Variants in PIWIL3 observed in about 807,000 individuals in gnomAD.
PIWIL3 encodes piwi-like protein 3.
Under a neutral mutation model 109.7 loss-of-function variants are expected in PIWIL3, and 101 were observed. The observed-to-expected ratio is 0.92, with a 90% CI of 0.78 to 1.09. The LOEUF is 1.09. Among genes scored for constraint, PIWIL3 ranks in the 50% least tolerant of loss-of-function variants. The pLI is 0.00. For synonymous variants in PIWIL3, 373 were observed against 376.4 expected (o/e 0.99, Z 0.10); for missense variants, 1,031 against 1,072.6 (o/e 0.96, Z 0.54).
intron 8 of PIWIL3, among the ~76,000 whole-genome samples, chr22:24,753,181 T>C (rs2096531): frequency 0.32 from 48,561 of 152,116 alleles, 8,044 homozygotes; most frequent in East Asian, 0.54. Flanking sequence ...GTTTCTTTTG[T>C]TATCACTTCT....
rs9620431 is a variant in PIWIL3 at position 24,748,351 on chromosome 22, G to A, written c.1449+556C>T. Reference sequence around the variant, plus strand: ...TACAAAAAATAGAAGAAATGAGTAAGACCTAGCATCTGCTAGTACAAAAGG... The same window carrying A: ...TACAAAAAATAGAAGAAATGAGTAAAACCTAGCATCTGCTAGTACAAAAGG... On this transcript the variant is annotated intron_variant, in intron 12 of 20. Transcript: ENST00000616349. Among the ~76,000 whole-genome samples, 1,352 of 152,150 alleles carry A rather than the reference G, an allele frequency of 8.9e-3. 25 individuals carry two copies. Among genetic ancestry groups the A allele is most frequent in the African/African-American group, 0.031 (1,267 of 41,516 alleles).
chr22:24,749,367 A>T lies in PIWIL3; in HGVS notation c.1334+37T>A, dbSNP rs752992229. On this transcript the variant is annotated intron_variant, in intron 11 of 20. Transcript: ENST00000616349. ...CATCAGCTTCACTGGGACACCATGC[A>T]CATGTACACACACTCAGCCAGAAAA... 5 of 1,609,054 alleles carry T rather than the reference A, an allele frequency of 3.1e-6. No individual in the cohort carries two copies. The African/African-American group carries it at 6.7e-5, about 22-fold the overall frequency.
intron 16 of PIWIL3, 109 bp downstream of exon 16, chr22:24,727,841 A>T: frequency 1.2e-6 from 1 of 835,022 alleles, no homozygotes; most frequent in Non-Finnish European, 1.8e-6. Flanking sequence ...AGAATAACTC[A>T]TCTGTCAAAT....
chr22:24,757,774 G>A, intron 4 of PIWIL3, 134 bp downstream of exon 4: 1 of 1,072,028 alleles, frequency 9.3e-7, no homozygotes. Flanking sequence ...CTGAGCCCAG[G>A]AGTTTGAGGC....
At chr22:24,720,261 T>G (rs993370798) in intron 19 of PIWIL3, among the ~76,000 whole-genome samples, 59 of 21,406 alleles carry the variant, frequency 2.8e-3, no homozygotes, top group African/African-American at 0.011. Context: ...TTTAAACTGT[T>G]TTTTTTTTTT....
chr22:24,741,824 C>A (rs932471678), intron 12 of PIWIL3, among the ~76,000 whole-genome samples: 8 of 149,902 alleles, frequency 5.3e-5, no homozygotes, highest in South Asian at 2.1e-4. Context: ...AGCATTCCCC[C>A]CCAAGAACTG....
intron 1 of PIWIL3, among the ~76,000 whole-genome samples, chr22:24,773,068 G>A (rs1926216355): frequency 6.6e-6 from 1 of 152,150 alleles, no homozygotes; most frequent in Admixed American, 6.5e-5. Flanking sequence ...CAGTCCCCAG[G>A]GCTTAGATGC....
In PIWIL3 at chr22:24,720,375, C is replaced by T. The variant is rs962743408; in HGVS notation, c.2358-480G>A. ...CAAGCTCTGCCTCCTGGGTTCACGC[C>T]GTTCTCCTGCCTCAGCCTCCCGAGT... On this transcript the variant is annotated intron_variant, in intron 19 of 20. Coordinates refer to ENST00000616349, the MANE Select transcript of PIWIL3 (RefSeq NM_001255975.1). 3.3e-5 allele frequency among the ~76,000 whole-genome samples: 5 copies of T among 149,574 alleles called. No homozygotes were observed. The East Asian group carries it at 8.1e-4, about 24-fold the overall frequency.
intron 12 of PIWIL3, among the ~76,000 whole-genome samples, chr22:24,738,020 T>C (rs1448883839): frequency 1.3e-5 from 2 of 151,984 alleles, no homozygotes; most frequent in African/African-American, 4.8e-5. Flanking sequence ...GCTGTGGTGG[T>C]GGGCGCTGTA....
At chr22:24,760,241 G>A (rs1228740241) in intron 2 of PIWIL3, among the ~76,000 whole-genome samples, 1 of 152,202 alleles carries the variant, frequency 6.6e-6, no homozygotes, top group Admixed American at 6.5e-5. Flanking sequence ...GAAGGGGCAG[G>A]TTTCACTAGC....
chr22:24,771,040 C>T (rs1363765854), intron 1 of PIWIL3, among the ~76,000 whole-genome samples: 1 of 151,934 alleles, frequency 6.6e-6, no homozygotes, highest in Non-Finnish European at 1.5e-5. Context: ...AGACCCTGTA[C>T]CCTTCACCAC....
At chr22:24,720,424 A>T (rs558462061) in intron 19 of PIWIL3, among the ~76,000 whole-genome samples, 12 of 151,150 alleles carry the variant, frequency 7.9e-5, no homozygotes, top group African/African-American at 2.9e-4. Context: ...GGCGCCCACC[A>T]CCACACCCGG....
intron 1 of PIWIL3, among the ~76,000 whole-genome samples, chr22:24,771,424 C>A (rs995590823): frequency 6.6e-6 from 1 of 150,500 alleles, no homozygotes; most frequent in African/African-American, 2.5e-5. Context: ...CTTTTGTGAG[C>A]CAAGATCACA....
intron 2 of PIWIL3, among the ~76,000 whole-genome samples, chr22:24,761,329 TG>T (rs1249160261): frequency 1.3e-5 from 2 of 151,756 alleles, no homozygotes; most frequent in African/African-American, 2.4e-5. Flanking sequence ...GGAGAGCAAG[TG>T]GGGGTGGTCA....
chr22:24,770,468 C>T (rs776434708), intron 1 of PIWIL3, among the ~76,000 whole-genome samples: 52 of 152,010 alleles, frequency 3.4e-4, no homozygotes, highest in Middle Eastern at 3.4e-3. Context: ...ACTCCTTGTA[C>T]CATGGTAGCT....
chr22:24,758,149 G>C (rs1284656364), intron 3 of PIWIL3, 110 bp from the exon 4 acceptor site: 2 of 1,268,980 alleles, frequency 1.6e-6, no homozygotes, highest in Non-Finnish European at 1.1e-6. Context: ...GCCACCCAAG[G>C]TTCCAAAACA....
chr22:24,719,692 A>C (rs901526499), intron 20 of PIWIL3, 56 bp downstream of exon 20: 1 of 1,565,220 alleles, frequency 6.4e-7, no homozygotes, highest in South Asian at 1.1e-5. Context: ...AACATTGTTC[A>C]ATGTTGAATA....
At chr22:24,726,328 G>C (rs948745778) in intron 16 of PIWIL3, among the ~76,000 whole-genome samples, 2 of 151,274 alleles carry the variant, frequency 1.3e-5, no homozygotes, top group Non-Finnish European at 2.9e-5. Flanking sequence ...TGTCACCCAG[G>C]CTGGAGTGCA....
chr22:24,767,010 G>C (rs556487650), intron 1 of PIWIL3, among the ~76,000 whole-genome samples: 1 of 151,772 alleles, frequency 6.6e-6, no homozygotes, highest in Non-Finnish European at 1.5e-5. Context: ...GTGCACACCT[G>C]TAGTCCCTGG....
Sources: gnomAD v4.1 joint callset for allele counts (sites outside exome capture counted in the v4.1 genomes callset) on GRCh38, gnomAD v4.1.1 for gene constraint, MANE v1.5 for transcripts, NCBI Gene and HGNC (gene_info 2026-07-23, HGNC 2026-07-21) for gene names.